The following PLXDC2 variants were observed in gnomAD, a reference collection of about 807,000 sequenced individuals.
The protein encoded by PLXDC2 is plexin domain containing 2, also known as plexin domain-containing protein 2.
Under a neutral mutation model 68.9 loss-of-function variants are expected in PLXDC2, and 40 were observed. That is an observed-to-expected ratio of 0.58 (90% CI 0.45 to 0.76). PLXDC2 has a LOEUF of 0.76. PLXDC2 is among the 30% of genes least tolerant of loss of function. The probability of loss-of-function intolerance (pLI) is 0.00; values close to 1 mark genes in which losing one functional copy is unlikely to be tolerated. For missense variants in PLXDC2, 644 were observed against 661.9 expected (o/e 0.97, Z 0.30); for synonymous variants, 243 against 234.2 (o/e 1.04, Z -0.34).
intron 4 of PLXDC2, among the ~76,000 whole-genome samples, chr10:20,119,420 T>G (rs1374032054): frequency 1.3e-5 from 2 of 151,858 alleles, no homozygotes; most frequent in South Asian, 2.1e-4. Flanking sequence ...TGGGGGAGCT[T>G]GTGAGCCAGG....
chr10:20,024,068 A>G (rs1265848824), intron 2 of PLXDC2, among the ~76,000 whole-genome samples: 1 of 152,188 alleles, frequency 6.6e-6, no homozygotes. Flanking sequence ...AGGAACATAT[A>G]TGATATTCTG....
intron 1 of PLXDC2, among the ~76,000 whole-genome samples, chr10:19,878,109 G>A (rs1014846106): frequency 8.5e-5 from 13 of 152,138 alleles, no homozygotes; most frequent in African/African-American, 2.9e-4. Flanking sequence ...AGCTATAAAT[G>A]TACTTTTTAC....
intron 1 of PLXDC2, among the ~76,000 whole-genome samples, chr10:19,981,695 TCAG>T (rs1444119784): frequency 6.6e-6 from 1 of 152,226 alleles, no homozygotes; most frequent in Non-Finnish European, 1.5e-5. Flanking sequence ...GGTGGCTAAT[TCAG>T]CATGCGCCTT....
chr10:19,869,210 C>G (rs1225125560), intron 1 of PLXDC2, among the ~76,000 whole-genome samples: 1 of 151,812 alleles, frequency 6.6e-6, no homozygotes, highest in Non-Finnish European at 1.5e-5. Flanking sequence ...CAGCTTGGGC[C>G]ACATGGAGAA....
chr10:19,909,133 A>G (rs1216802412), intron 1 of PLXDC2, among the ~76,000 whole-genome samples: 1 of 152,140 alleles, frequency 6.6e-6, no homozygotes, highest in Non-Finnish European at 1.5e-5. Context: ...CCAAGTTTCT[A>G]TGGGTAAGAA....
intron 4 of PLXDC2, among the ~76,000 whole-genome samples, chr10:20,129,754 T>C (rs11011820): frequency 0.23 from 34,449 of 152,036 alleles, 4,779 homozygotes; most frequent in East Asian, 0.49. Flanking sequence ...TCTAACATTA[T>C]TTATTAAAGA....
intron 4 of PLXDC2, among the ~76,000 whole-genome samples, chr10:20,094,332 C>A (rs1833320080): frequency 6.6e-6 from 1 of 152,186 alleles, no homozygotes; most frequent in African/African-American, 2.4e-5. Flanking sequence ...TTAACTCTGG[C>A]ATATCCTGAG....
chr10:19,863,031 G>A (rs1644194341), intron 1 of PLXDC2, among the ~76,000 whole-genome samples: 1 of 152,096 alleles, frequency 6.6e-6, no homozygotes, highest in Admixed American at 6.5e-5. Context: ...AGAACATATG[G>A]GGACCTTCCT....
At chr10:19,886,565 A>G (rs1367037343) in intron 1 of PLXDC2, among the ~76,000 whole-genome samples, 2 of 152,244 alleles carry the variant, frequency 1.3e-5, no homozygotes, top group Admixed American at 1.3e-4. Flanking sequence ...GCCTTTGACA[A>G]AATTCAACAA....
intron 1 of PLXDC2, among the ~76,000 whole-genome samples, chr10:19,896,275 A>C (rs372682851): frequency 3.9e-5 from 6 of 152,346 alleles, no homozygotes; most frequent in African/African-American, 1.4e-4. Context: ...GGGAAGGCAC[A>C]TTCTGGCAAA....
At chr10:20,004,300 G>A (rs947104845) in intron 2 of PLXDC2, among the ~76,000 whole-genome samples, 11 of 152,180 alleles carry the variant, frequency 7.2e-5, no homozygotes, top group African/African-American at 2.2e-4. Flanking sequence ...CAGGCAGGTC[G>A]CTTACCAGGC....
chr10:20,005,737 G>C (rs1205435212), intron 2 of PLXDC2, among the ~76,000 whole-genome samples: 5 of 152,096 alleles, frequency 3.3e-5, no homozygotes, highest in African/African-American at 9.7e-5. Context: ...TCATCACCAA[G>C]GGAATGGCAC....
At chr10:19,963,236 A>G (rs1834192063) in intron 1 of PLXDC2, among the ~76,000 whole-genome samples, 1 of 152,206 alleles carries the variant, frequency 6.6e-6, no homozygotes, top group South Asian at 2.1e-4. Flanking sequence ...CTACTAGAGT[A>G]TGAACACTTT....
At chr10:20,234,295 G>A (rs1483667078) in intron 12 of PLXDC2, among the ~76,000 whole-genome samples, 2 of 152,174 alleles carry the variant, frequency 1.3e-5, no homozygotes, top group African/African-American at 4.8e-5. Flanking sequence ...GGTCAGGTCA[G>A]GACCAGTGCG....
chr10:20,036,991 T>C (rs547403118), intron 2 of PLXDC2, among the ~76,000 whole-genome samples: 1 of 152,306 alleles, frequency 6.6e-6, no homozygotes, highest in Non-Finnish European at 1.5e-5. Context: ...ACCGCTTAAA[T>C]CAGGCATAGG....
intron 6 of PLXDC2, among the ~76,000 whole-genome samples, chr10:20,161,531 C>T (rs549240894): frequency 1.3e-5 from 2 of 150,178 alleles, no homozygotes; most frequent in South Asian, 2.1e-4. Context: ...TGGGAGAGGA[C>T]GACAGAGGGT....
chr10:20,069,172 C>T (rs1159047611), intron 4 of PLXDC2, among the ~76,000 whole-genome samples: 1 of 151,996 alleles, frequency 6.6e-6, no homozygotes, highest in Non-Finnish European at 1.5e-5. Context: ...TTTTGCCATA[C>T]TTTAATATAA....
chr10:19,855,573 G>T (rs1269865363), intron 1 of PLXDC2, among the ~76,000 whole-genome samples: 2 of 152,052 alleles, frequency 1.3e-5, no homozygotes, highest in African/African-American at 2.4e-5. Context: ...TGGAATATTT[G>T]CATTATACTT....
At chr10:20,019,662 G>A (rs1835270945) in intron 2 of PLXDC2, among the ~76,000 whole-genome samples, 1 of 152,190 alleles carries the variant, frequency 6.6e-6, no homozygotes, top group Non-Finnish European at 1.5e-5. Context: ...AAGGCCATGT[G>A]AGGACACAGT....
Sources: gnomAD v4.1 joint callset for allele counts (sites outside exome capture counted in the v4.1 genomes callset) on GRCh38, gnomAD v4.1.1 for gene constraint, MANE v1.5 for transcripts, NCBI Gene and HGNC (gene_info 2026-07-23, HGNC 2026-07-21) for gene names.